The following KCNMB2 variants were observed in gnomAD, a reference collection of about 807,000 sequenced individuals.
KCNMB2 encodes the protein calcium-activated potassium channel subunit beta-2.
A neutral mutation model predicts 24.5 loss-of-function variants in KCNMB2; 9 were observed. That is an observed-to-expected ratio of 0.37 (90% CI 0.22 to 0.64). KCNMB2 has a LOEUF of 0.64. KCNMB2 is among the 30% of genes least tolerant of loss of function. The pLI is 0.63. For synonymous variants in KCNMB2, 109 were observed against 104.4 expected, an observed-to-expected ratio of 1.04 and a Z score of -0.27; for missense variants, 226 against 284.3, an observed-to-expected ratio of 0.79 and a Z score of 1.47.
Position 178,759,504 on chromosome 3 carries a change from T to TATATATCTCTCCAAGAGGATATATATAC in KCNMB2, c.-67-47827_-67-47800dup, listed in dbSNP as rs1560009231. On this transcript the variant is annotated intron_variant, in intron 1 of 4. Transcript: ENST00000452583. ...ATATATATATCTCCAAGAGGATATA[T>TATATATCTCTCCAAGAGGATATATATAC]ATATATCTCTCCAAGAGGATATATA... 7.1e-4 allele frequency among the ~76,000 whole-genome samples: 87 copies of TATATATCTCTCCAAGAGGATATATATAC among 122,698 alleles called. 3 individuals are homozygous for TATATATCTCTCCAAGAGGATATATATAC. Among genetic ancestry groups the TATATATCTCTCCAAGAGGATATATATAC allele is most frequent in the African/African-American group, 2.7e-3 (79 of 29,588 alleles). 80.5% of individuals were successfully genotyped at this position (122,698 alleles called of 152,430 possible).
chr3:178,700,394 G>T (rs1184202349), intron 1 of KCNMB2, among the ~76,000 whole-genome samples: 2 of 152,162 alleles, frequency 1.3e-5, no homozygotes, highest in African/African-American at 4.8e-5. Flanking sequence ...ATTTTGGAAA[G>T]TATATACACA....
intron 1 of KCNMB2, among the ~76,000 whole-genome samples, chr3:178,686,524 C>T (rs1340471186): frequency 1.3e-5 from 2 of 152,086 alleles, no homozygotes; most frequent in African/African-American, 2.4e-5. Flanking sequence ...TAACCTGCTT[C>T]GGGCCAGAAA....
At chr3:178,721,247 CTTGT>C (rs1196860074) in intron 1 of KCNMB2, among the ~76,000 whole-genome samples, 5 of 151,990 alleles carry the variant, frequency 3.3e-5, no homozygotes, top group Non-Finnish European at 5.9e-5. Flanking sequence ...TTCCCCATTG[CTTGT>C]TTTTCTCAGA....
chr3:178,680,460 A>G (rs1721231362), intron 1 of KCNMB2, among the ~76,000 whole-genome samples: 1 of 152,040 alleles, frequency 6.6e-6, no homozygotes, highest in African/African-American at 2.4e-5. Context: ...ATTTCCAAAG[A>G]TTTTTGTTTC....
chr3:178,562,667 G>A (rs16829756), intron 1 of KCNMB2, among the ~76,000 whole-genome samples: 3 of 152,100 alleles, frequency 2.0e-5, no homozygotes, highest in African/African-American at 7.2e-5. Flanking sequence ...GGTTAAAAAT[G>A]CATTGTAAGG....
chr3:178,568,054 C>T lies in KCNMB2; in HGVS notation c.-68+31343C>T, dbSNP rs558820551. Among the ~76,000 whole-genome samples the T allele has an allele frequency of 2.0e-5, 3 of 152,050 alleles. No homozygotes were observed. In the South Asian group the frequency reaches 6.2e-4, roughly 32 times the overall value. On this transcript the variant is annotated intron_variant, in intron 1 of 4. Transcript: ENST00000452583. ...ACATAGAAATGTGTGATTAAAGGTCCCTTTCAAATATTTTAATGTTATAAA... is the reference window on the plus strand; with the variant it reads ...ACATAGAAATGTGTGATTAAAGGTCTCTTTCAAATATTTTAATGTTATAAA...
chr3:178,739,104 A>G (rs1723411125), intron 1 of KCNMB2, among the ~76,000 whole-genome samples: 1 of 63,474 alleles, frequency 1.6e-5, no homozygotes, highest in African/African-American at 9.3e-5. Flanking sequence ...AAATAACAGA[A>G]AAAAAAAAAA....
At chr3:178,753,379 T>C (rs1723914777) in intron 1 of KCNMB2, among the ~76,000 whole-genome samples, 1 of 152,206 alleles carries the variant, frequency 6.6e-6, no homozygotes, top group Non-Finnish European at 1.5e-5. Context: ...CTGTGTGACC[T>C]TGAGCAGTTC....
At chr3:178,560,498 T>C (rs185926183) in intron 1 of KCNMB2, among the ~76,000 whole-genome samples, 20 of 152,350 alleles carry the variant, frequency 1.3e-4, no homozygotes, top group Admixed American at 1.1e-3. Context: ...TTTTCCAAGC[T>C]TGAGATTACT....
chr3:178,808,933 T>G (rs973047929), intron 2 of KCNMB2, among the ~76,000 whole-genome samples: 3 of 152,210 alleles, frequency 2.0e-5, no homozygotes, highest in Non-Finnish European at 4.4e-5. Context: ...GCAAATAATG[T>G]TGCCTTGTCA....
chr3:178,594,829 A>C (rs1423755286), intron 1 of KCNMB2, among the ~76,000 whole-genome samples: 1 of 152,098 alleles, frequency 6.6e-6, no homozygotes, highest in Non-Finnish European at 1.5e-5. Context: ...TAATACTGAG[A>C]TCCCAACTTA....
chr3:178,817,347 T>C (rs144603153), intron 2 of KCNMB2, among the ~76,000 whole-genome samples: 85 of 152,000 alleles, frequency 5.6e-4, no homozygotes, highest in African/African-American at 2.0e-3. Context: ...TACCATAAAA[T>C]ATATACCTAC....
At chr3:178,781,566 T>C (rs1291854555) in intron 1 of KCNMB2, among the ~76,000 whole-genome samples, 1 of 151,974 alleles carries the variant, frequency 6.6e-6, no homozygotes, top group Non-Finnish European at 1.5e-5. Flanking sequence ...CACTCCAGCC[T>C]TGGAGCAAGA....
intron 1 of KCNMB2, among the ~76,000 whole-genome samples, chr3:178,786,479 A>G (rs115510347): frequency 0.012 from 1,756 of 152,312 alleles, 17 homozygotes; most frequent in South Asian, 0.021. Flanking sequence ...TCCTAACACC[A>G]TAAGAAGTTT....
chr3:178,741,611 A>G (rs917465755), intron 1 of KCNMB2, among the ~76,000 whole-genome samples: 4 of 152,128 alleles, frequency 2.6e-5, no homozygotes, highest in African/African-American at 9.7e-5. Flanking sequence ...TGGGGTTAAA[A>G]GGGGAGGACA....
chr3:178,787,992 TTATGTACA>T (rs1713175331), intron 1 of KCNMB2, among the ~76,000 whole-genome samples: 1 of 152,172 alleles, frequency 6.6e-6, no homozygotes, highest in Non-Finnish European at 1.5e-5. Flanking sequence ...TACAAATGCA[TTATGTACA>T]TAGGTCTAGA....
At chr3:178,743,391 A>T (rs1723556935) in intron 1 of KCNMB2, among the ~76,000 whole-genome samples, 1 of 152,180 alleles carries the variant, frequency 6.6e-6, no homozygotes, top group African/African-American at 2.4e-5. Context: ...TCCTTAAAGC[A>T]CTATCCTCTG....
chr3:178,563,211 CT>C (rs1716386421), intron 1 of KCNMB2, among the ~76,000 whole-genome samples: 1 of 152,160 alleles, frequency 6.6e-6, no homozygotes, highest in African/African-American at 2.4e-5. Flanking sequence ...TTTAGCTTCT[CT>C]TTAGGGGCTA....
Position 178,700,764 on chromosome 3 carries a change from A to C in KCNMB2, c.-67-106579A>C, listed in dbSNP as rs1230786303. Among the ~76,000 whole-genome samples the C allele has an allele frequency of 4.5e-5, 6 of 133,476 alleles. No individual in the cohort carries two copies. In the East Asian group the frequency reaches 9.8e-4, roughly 22 times the overall value. 87.6% of individuals were successfully genotyped at this position (133,476 alleles called of 152,430 possible). A position where few individuals can be genotyped will look rare whatever the true frequency, so the allele number is the denominator to read the frequency against. ...AATCACCAATATCTTTTTGATGAGT[A>C]GTGTAAAAAAAAAAACCAACAACAA... On this transcript the variant is annotated intron_variant, in intron 1 of 4. Coordinates refer to ENST00000452583, the MANE Select transcript of KCNMB2 (RefSeq NM_181361.3).
Sources: gnomAD v4.1 joint callset for allele counts (sites outside exome capture counted in the v4.1 genomes callset) on GRCh38, gnomAD v4.1.1 for gene constraint, MANE v1.5 for transcripts, NCBI Gene and HGNC (gene_info 2026-07-23, HGNC 2026-07-21) for gene names.